Variants in ASB4 observed in about 807,000 individuals in gnomAD.
The protein encoded by ASB4 is ankyrin repeat and SOCS box protein 4.
A neutral mutation model predicts 38.6 loss-of-function variants in ASB4; 35 were observed. The ratio of observed to expected loss-of-function variants is 0.91; its 90% CI spans 0.69 to 1.20. The LOEUF (loss-of-function observed/expected upper bound fraction) is 1.20, where lower values mean the gene tolerates loss of function less well. Ranked by LOEUF, ASB4 falls within the 50% of genes most tolerant of loss-of-function variation. The probability of loss-of-function intolerance (pLI) is 0.00; values close to 1 mark genes in which losing one functional copy is unlikely to be tolerated. For missense variants in ASB4, 557 were observed against 527.2 expected (o/e 1.06, Z -0.55); for synonymous variants, 195 against 201.3 (o/e 0.97, Z 0.26).
At chr7:95,530,837 G>A (rs910135353) in intron 3 of ASB4, among the ~76,000 whole-genome samples, 2 of 152,126 alleles carry the variant, frequency 1.3e-5, no homozygotes, top group South Asian at 2.1e-4. Flanking sequence ...AACTCTGAGT[G>A]GGGGGCTGGC....
intron 2 of ASB4, among the ~76,000 whole-genome samples, chr7:95,524,175 A>G (rs960224105): frequency 1.3e-5 from 2 of 152,266 alleles, no homozygotes; most frequent in African/African-American, 4.8e-5. Context: ...ACCAGAGTAC[A>G]AGAATGTGCA....
At chr7:95,530,348 C>T (rs1463439229) in intron 3 of ASB4, among the ~76,000 whole-genome samples, 1 of 152,058 alleles carries the variant, frequency 6.6e-6, no homozygotes, top group Non-Finnish European at 1.5e-5. Flanking sequence ...GCCTGTAGTC[C>T]CAGCTACTTG....
chr7:95,492,584 G>A lies in ASB4; in HGVS notation c.188-3174G>A, dbSNP rs1037635409. Among the ~76,000 whole-genome samples, 13 of 152,266 alleles carry A rather than the reference G, an allele frequency of 8.5e-5. No homozygotes were observed. In the East Asian group the frequency reaches 1.7e-3, roughly 20 times the overall value. The stretch of plus-strand genomic sequence containing the variant: ...TGGACTGGATAATCTTCCCTCCAGC[G>A]CTAACATTCTGTGTTTCTTTGATTT... On this transcript the variant is annotated intron_variant, in intron 1 of 4. Coordinates refer to ENST00000325885, the MANE Select transcript of ASB4 (RefSeq NM_016116.3).
intron 2 of ASB4, 30 bp downstream of exon 2, chr7:95,496,087 G>T: frequency 6.3e-7 from 1 of 1,591,016 alleles, no homozygotes; most frequent in South Asian, 1.1e-5. Context: ...CAACATTGTT[G>T]TCTGCTTGTA....
intron 2 of ASB4, among the ~76,000 whole-genome samples, chr7:95,500,634 A>T (rs1200438822): frequency 6.6e-6 from 1 of 151,856 alleles, no homozygotes; most frequent in Non-Finnish European, 1.5e-5. Context: ...GAAGGGGAAG[A>T]AAAAATTCAG....
upstream of ASB4, among the ~76,000 whole-genome samples, chr7:95,484,483 T>C (rs185650131): frequency 1.1e-3 from 171 of 152,360 alleles, no homozygotes; most frequent in African/African-American, 4.0e-3. Context: ...GTTGATTACA[T>C]GAGTTTGTTC....
At chr7:95,508,254 A>G (rs1037578563) in intron 2 of ASB4, among the ~76,000 whole-genome samples, 8 of 152,138 alleles carry the variant, frequency 5.3e-5, no homozygotes, top group Admixed American at 2.0e-4. Flanking sequence ...CCTCTGTTCT[A>G]TCGTAGCCAG....
intron 2 of ASB4, among the ~76,000 whole-genome samples, chr7:95,497,078 C>T (rs1405280184): frequency 2.0e-5 from 3 of 151,996 alleles, no homozygotes; most frequent in Admixed American, 2.0e-4. Flanking sequence ...GGGAGTGTTA[C>T]AAGATGACAT....
At position 95,528,188 on chromosome 7, in the gene ASB4, C is replaced by T. The variant is rs1171585090; in HGVS notation, c.863C>T (p.Ala288Val). 6.2e-7 allele frequency: 1 copy of T among 1,614,080 alleles called. No homozygotes were observed. The highest frequency in any genetic ancestry group is 1.7e-5 in the Admixed American group (1 of 60,008). Residue 288 changes from alanine to valine, a missense_variant, in exon 3 of 5, where the codon GCC becomes GTC. Coordinates refer to ENST00000325885, the MANE Select transcript of ASB4 (RefSeq NM_016116.3). Reference sequence around the variant, plus strand: ...CTCATGGATATCAACGGCTGTGCTGCCATCCAGTACGTGCTGAAGGTCACC... The same window carrying T: ...CTCATGGATATCAACGGCTGTGCTGTCATCCAGTACGTGCTGAAGGTCACC... ...ANLMDINGCA[A>V]IQYVLKVTSV...
At chr7:95,534,908 G>T (rs939375231) in intron 3 of ASB4, among the ~76,000 whole-genome samples, 11 of 152,008 alleles carry the variant, frequency 7.2e-5, no homozygotes, top group African/African-American at 2.4e-4. Context: ...GCCTCTTCTT[G>T]CCTGTCAAGT....
At chr7:95,524,063 T>A (rs1383324664) in intron 2 of ASB4, among the ~76,000 whole-genome samples, 1 of 152,188 alleles carries the variant, frequency 6.6e-6, no homozygotes, top group Non-Finnish European at 1.5e-5. Flanking sequence ...CTGGTACAAC[T>A]GCTTATTTGA....
At chr7:95,547,795 G>A in the ASB4 span, among the ~76,000 whole-genome samples, 1 of 152,114 alleles carries the variant, frequency 6.6e-6, no homozygotes, top group African/African-American at 2.4e-5. Context: ...AAAGACTGAG[G>A]TCCCCTGAGA....
chr7:95,500,099 G>T (rs1562812523), intron 2 of ASB4, among the ~76,000 whole-genome samples: 1 of 152,036 alleles, frequency 6.6e-6, no homozygotes, highest in Non-Finnish European at 1.5e-5. Flanking sequence ...CGATGAGGGA[G>T]TTCGGATGGT....
At chr7:95,545,695 C>T in the ASB4 span, among the ~76,000 whole-genome samples, 1 of 152,052 alleles carries the variant, frequency 6.6e-6, no homozygotes, top group African/African-American at 2.4e-5. Context: ...TTGATATATT[C>T]TTAGGGTCTG....
chr7:95,476,737 C>T (rs1268612855), upstream of ASB4, among the ~76,000 whole-genome samples: 2 of 152,174 alleles, frequency 1.3e-5, no homozygotes, highest in Non-Finnish European at 2.9e-5. Context: ...GAGAAGCAAG[C>T]TTGTCTTGCT....
At chr7:95,498,890 G>A (rs989863025) in intron 2 of ASB4, among the ~76,000 whole-genome samples, 3 of 152,042 alleles carry the variant, frequency 2.0e-5, no homozygotes, top group Admixed American at 2.0e-4. Flanking sequence ...AACACCATTT[G>A]TTGAAAAGAA....
rs1790654974 is a variant in ASB4, at chr7:95,521,019, A to G, written c.488-6794A>G. Among the ~76,000 whole-genome samples the G allele has an allele frequency of 1.3e-5, 2 of 152,108 alleles. 1 individual carries two copies. ...TCTTTACTCTGCAAATTTTGTGGGG[A>G]AAAATGTTTGAATTGCATTGAATTT... On this transcript the variant is annotated intron_variant, in intron 2 of 4. Transcript: ENST00000325885.
At chr7:95,488,584 G>GA (rs1241632013) in intron 1 of ASB4, among the ~76,000 whole-genome samples, 1 of 152,170 alleles carries the variant, frequency 6.6e-6, no homozygotes, top group Non-Finnish European at 1.5e-5. Context: ...AAAGGAATAG[G>GA]ACCCATTTCT....
At chr7:95,528,392 G>A in intron 3 of ASB4, 89 bp downstream of exon 3, 1 of 1,588,768 alleles carries the variant, frequency 6.3e-7, no homozygotes, top group Non-Finnish European at 8.5e-7. Flanking sequence ...CTTGCTTGAG[G>A]CTTGAGTCCT....
Sources: allele counts gnomAD v4.1 joint callset (sites outside exome capture counted in the v4.1 genomes callset), GRCh38; gene constraint gnomAD v4.1.1; transcripts MANE v1.5; gene names NCBI Gene and HGNC (gene_info 2026-07-23, HGNC 2026-07-21).